The following SNX31 variants were observed in gnomAD, a reference collection of about 807,000 sequenced individuals.
SNX31 encodes sorting nexin 31.
A neutral mutation model predicts 65.4 loss-of-function variants in SNX31; 58 were observed. The observed-to-expected ratio is 0.89, with a 90% CI of 0.72 to 1.10. The LOEUF (loss-of-function observed/expected upper bound fraction) is 1.10, where lower values mean the gene tolerates loss of function less well. SNX31 is among the 50% of genes least tolerant of loss of function. SNX31 has a pLI of 0.00. For missense variants in SNX31, 523 were observed against 529.7 expected, an observed-to-expected ratio of 0.99 and a Z score of 0.12; for synonymous variants, 181 against 190.1, an observed-to-expected ratio of 0.95 and a Z score of 0.39.
chr8:100,602,437 A>G (rs900144520), intron 8 of SNX31, among the ~76,000 whole-genome samples: 2 of 152,248 alleles, frequency 1.3e-5, no homozygotes, highest in African/African-American at 4.8e-5. Flanking sequence ...AGGGGACACT[A>G]TCCAAGACTC....
In SNX31 at chr8:100,613,291, A is replaced by G. The variant is rs546096300; in HGVS notation, c.433-206T>C. ...AACACAAAAAAATTAGAATAAAGAA[A>G]ATAAAAATCAGCCCCACCACAATGG... On this transcript the variant is annotated intron_variant, in intron 5 of 13. Transcript: ENST00000311812. This position sits in a 1 kb window ranked among gnomAD's most constrained non-coding sequence, Gnocchi z 5.2. Among the ~76,000 whole-genome samples, 16 of 152,340 alleles carry G rather than the reference A, an allele frequency of 1.1e-4. No individual in the cohort carries two copies. Among genetic ancestry groups the G allele is most frequent in the African/African-American group, 3.6e-4 (15 of 41,572 alleles).
intron 2 of SNX31, among the ~76,000 whole-genome samples, chr8:100,641,557 AAAAAAAAAATAT>A (rs1469066913): frequency 3.0e-5 from 1 of 32,968 alleles, no homozygotes; most frequent in African/African-American, 1.9e-4. Context: ...AAAAAAAAAA[AAAAAAAAAATAT>A]ATATATATAT....
chr8:100,581,975 G>C (rs1396929605), intron 12 of SNX31, among the ~76,000 whole-genome samples: 3 of 151,862 alleles, frequency 2.0e-5, no homozygotes, highest in African/African-American at 7.3e-5. Flanking sequence ...AAATCCTCTT[G>C]GAAACCCAAT....
Position 100,626,796 on chromosome 8 carries a change from T to A in SNX31, c.321+3531A>T, listed in dbSNP as rs1245504991. On this transcript the variant is annotated intron_variant, in intron 4 of 13. Coordinates refer to ENST00000311812, the MANE Select transcript of SNX31 (RefSeq NM_152628.4). The surrounding 1 kb of genome is among the most constrained non-coding windows in gnomAD (Gnocchi z 4.4). ...AGCAGATGAAAATAAAAAGAAGGTG[T>A]TTCTGAATGAAGACCTCAAAGAATA... Among the ~76,000 whole-genome samples the A allele has an allele frequency of 6.6e-6, 1 of 152,026 alleles. No individual in the cohort carries two copies. The highest frequency in any genetic ancestry group is 1.5e-5 in the Non-Finnish European group (1 of 68,018).
intron 4 of SNX31, among the ~76,000 whole-genome samples, chr8:100,627,647 T>C (rs1479824337): frequency 6.6e-6 from 1 of 152,066 alleles, no homozygotes; most frequent in Non-Finnish European, 1.5e-5. Context: ...GTTCAAGCAA[T>C]TCTGCCTCAG....
intron 3 of SNX31, among the ~76,000 whole-genome samples, chr8:100,631,175 A>C (rs1818388805): frequency 6.6e-6 from 1 of 152,102 alleles, no homozygotes; most frequent in African/African-American, 2.4e-5. Context: ...AAAATATTTC[A>C]TTCTTCTATA....
At chr8:100,657,287 T>C (rs192775829) in intron 1 of SNX31, among the ~76,000 whole-genome samples, 12 of 151,966 alleles carry the variant, frequency 7.9e-5, no homozygotes, top group Non-Finnish European at 1.5e-5. Flanking sequence ...ACCCTGTCTC[T>C]ACTAAAAATA....
chr8:100,602,853 A>T (rs763312534), intron 8 of SNX31, among the ~76,000 whole-genome samples: 3 of 152,176 alleles, frequency 2.0e-5, no homozygotes, highest in African/African-American at 7.2e-5. Context: ...TATTTCTGAA[A>T]TTTTTTCACT....
intron 11 of SNX31, among the ~76,000 whole-genome samples, chr8:100,587,952 C>T (rs1428128907): frequency 6.6e-6 from 1 of 152,056 alleles, no homozygotes; most frequent in Non-Finnish European, 1.5e-5. Context: ...GATGGTATAG[C>T]TTGCTATATA....
At chr8:100,603,763 A>G (rs571823796) in intron 8 of SNX31, among the ~76,000 whole-genome samples, 228 of 130,794 alleles carry the variant, frequency 1.7e-3, no homozygotes, top group African/African-American at 6.4e-3. Context: ...TTTTTGAGAC[A>G]GCCTTACTCT....
chr8:100,607,291 C>G (rs749769105), intron 8 of SNX31, among the ~76,000 whole-genome samples: 2 of 152,202 alleles, frequency 1.3e-5, no homozygotes, highest in African/African-American at 4.8e-5. Context: ...AAGATCAGGT[C>G]TCCGAAGATG....
rs574241353 is a variant in SNX31 at position 100,612,704 on chromosome 8, G to T, written c.523+291C>A. Among the ~76,000 whole-genome samples the T allele has an allele frequency of 6.6e-6, 1 of 152,196 alleles. No homozygotes were observed. Among genetic ancestry groups the T allele is most frequent in the Non-Finnish European group, 1.5e-5 (1 of 68,036 alleles). ...TCCATTCACAGGAAACGGTGCAGGC[G>T]AGTGGTCAGTGGTCAGGCCGGGCCT... On this transcript the variant is annotated intron_variant, in intron 6 of 13. Coordinates refer to ENST00000311812, the MANE Select transcript of SNX31 (RefSeq NM_152628.4). The surrounding 1 kb of genome is among the most constrained non-coding windows in gnomAD (Gnocchi z 4.3).
At chr8:100,615,866 T>C (rs897318376) in intron 5 of SNX31, among the ~76,000 whole-genome samples, 1 of 151,838 alleles carries the variant, frequency 6.6e-6, no homozygotes, top group South Asian at 2.1e-4. Flanking sequence ...GCCTCCCGGG[T>C]TCACGCCATT....
At position 100,626,507 on chromosome 8, in the gene SNX31, CT is replaced by C. The variant is rs1246830157; in HGVS notation, c.321+3819del. ...TTGCTGCTAGACAGTCTGATTAGGC[CT>C]TAGGGTAGCATGTTCATAAGAAAGT... On this transcript the variant is annotated intron_variant, in intron 4 of 13. Coordinates refer to ENST00000311812, the MANE Select transcript of SNX31 (RefSeq NM_152628.4). This position sits in a 1 kb window ranked among gnomAD's most constrained non-coding sequence, Gnocchi z 4.4. 6.6e-6 allele frequency among the ~76,000 whole-genome samples: 1 copy of C among 152,074 alleles called. No homozygotes were observed. Among genetic ancestry groups the C allele is most frequent in the African/African-American group, 2.4e-5 (1 of 41,396 alleles).
At chr8:100,649,405 ACCGGCCCCC>A in intron 1 of SNX31, 35 bp downstream of exon 1, 4 of 1,604,384 alleles carry the variant, frequency 2.5e-6, no homozygotes, top group Non-Finnish European at 3.4e-6. Context: ...GAGCATTGCC[ACCGGCCCCC>A]TCCCTGCCCA....
intron 10 of SNX31, among the ~76,000 whole-genome samples, chr8:100,595,452 G>A (rs1373435965): frequency 2.6e-5 from 4 of 152,176 alleles, no homozygotes; most frequent in Middle Eastern, 3.4e-3. Context: ...GGGACCACAG[G>A]TGCACACCAC....
intron 2 of SNX31, among the ~76,000 whole-genome samples, chr8:100,645,004 T>G (rs1819529376): frequency 6.6e-6 from 1 of 152,222 alleles, no homozygotes; most frequent in Non-Finnish European, 1.5e-5. Flanking sequence ...CCACATACCC[T>G]GGCTGAGATG....
rs944769670 is a variant in SNX31, at chr8:100,604,288, T to A, written c.682-3847A>T. On this transcript the variant is annotated intron_variant, in intron 8 of 13. Coordinates refer to ENST00000311812, the MANE Select transcript of SNX31 (RefSeq NM_152628.4). The surrounding 1 kb of genome is among the most constrained non-coding windows in gnomAD (Gnocchi z 4.3). The stretch of plus-strand genomic sequence containing the variant: ...AAGAAAAAAATAATAAAATTAAAAA[T>A]TTTAAAAATCAAGCAAAATCACATA... 1.3e-5 allele frequency among the ~76,000 whole-genome samples: 2 copies of A among 152,192 alleles called. No individual in the cohort carries two copies. Among genetic ancestry groups the A allele is most frequent in the Non-Finnish European group, 2.9e-5 (2 of 68,026 alleles).
chr8:100,596,095 A>G (rs1404846913), intron 10 of SNX31, among the ~76,000 whole-genome samples: 1 of 152,188 alleles, frequency 6.6e-6, no homozygotes, highest in Non-Finnish European at 1.5e-5. Context: ...AGTTAACCTC[A>G]GTTTCCTGTG....
Sources: gnomAD v4.1 joint callset for allele counts (sites outside exome capture counted in the v4.1 genomes callset) on GRCh38, gnomAD v4.1.1 for gene constraint, Gnocchi (gnomAD v3.1) non-coding constraint, MANE v1.5 for transcripts, NCBI Gene and HGNC (gene_info 2026-07-23, HGNC 2026-07-21) for gene names.